FAM193B: variants seen among roughly 807,000 people sequenced by gnomAD.
The protein encoded by FAM193B is protein FAM193B.
FAM193B carries 27 observed loss-of-function variants against 70.7 expected under a neutral mutation model. The ratio of observed to expected loss-of-function variants is 0.38; its 90% confidence interval spans 0.28 to 0.53. The LOEUF is 0.53. Ranked by LOEUF, FAM193B falls within the 20% of genes least tolerant of loss-of-function variation. The pLI, the probability that FAM193B is intolerant of heterozygous loss-of-function variation, is 0.81. For synonymous variants in FAM193B, 448 were observed against 436.0 expected (o/e 1.03, Z -0.34); for missense variants, 1,022 against 1,072.5 (o/e 0.95, Z 0.66).
chr5:177,528,823 C>T (rs956845433), intron 5 of FAM193B, among the ~76,000 whole-genome samples: 1 of 152,174 alleles, frequency 6.6e-6, no homozygotes, highest in Non-Finnish European at 1.5e-5. Context: ...CACGGGAACT[C>T]GGCAATCGGG....
At chr5:177,553,774 A>T (rs1283785113) in intron 1 of FAM193B, 3 of 1,287,512 alleles carry the variant, frequency 2.3e-6, no homozygotes, top group Non-Finnish European at 3.0e-6. Flanking sequence ...CAGGAGACAC[A>T]GCTGCTGAGG....
At chr5:177,533,589 AGCCACTGC>A (rs1282053621) in intron 4 of FAM193B, among the ~76,000 whole-genome samples, 1 of 152,174 alleles carries the variant, frequency 6.6e-6, no homozygotes, top group Non-Finnish European at 1.5e-5. Context: ...TACAGGCGTG[AGCCACTGC>A]GCCCGGCCTT....
rs971978846 is a variant in FAM193B, at chr5:177,554,365, G to T, written c.94C>A (p.Pro32Thr). 8.2e-7 allele frequency: 1 copy of T among 1,218,258 alleles called. No individual in the cohort carries two copies. Among genetic ancestry groups the T allele is most frequent in the Admixed American group, 4.4e-5 (1 of 22,904 alleles). The allele number at this position is 1,218,258 out of a possible 1,614,324, so 75.5% of individuals were successfully genotyped here. The change falls in exon 1 of 9, where the codon CCG becomes ACG. Residue 32 changes from proline to threonine, a missense_variant. Coordinates refer to ENST00000514747, the MANE Select transcript of FAM193B (RefSeq NM_001190946.3). ...GPQKPQAPEP[P>T]PPPSLEAGAG... ...CCCGCCTCCAGGCTTGGCGGCGGCG[G>T]GGGCTCGGGCGCCTGGGGCTTCTGC... is the stretch of plus-strand genomic sequence containing the variant.
At chr5:177,523,009 C>A (rs1377663904) in intron 7 of FAM193B, 1 of 172,548 alleles carries the variant, frequency 5.8e-6, no homozygotes, top group Non-Finnish European at 1.3e-5. Context: ...CAGGCATGAG[C>A]CACCACCTGT....
intron 8 of FAM193B, 89 bp downstream of exon 8, chr5:177,521,885 C>G: frequency 9.9e-7 from 1 of 1,006,918 alleles, no homozygotes; most frequent in Admixed American, 1.9e-5. Context: ...CTCCCTGTGC[C>G]CCAGAGCACA....
At chr5:177,536,849 C>G in intron 3 of FAM193B, 104 bp from the exon 4 acceptor site, 1 of 1,415,926 alleles carries the variant, frequency 7.1e-7, no homozygotes, top group Non-Finnish European at 9.4e-7. Flanking sequence ...GACAAGAGGG[C>G]ACAGCCTCTC....
chr5:177,528,284 G>A lies in FAM193B; in HGVS notation c.1276-3079C>T, dbSNP rs538020220. ...AAAAAGTCACCGGTGACTCTGGAGA[G>A]GGTGTGGGTAGAAAACCGCCTGCAA... On this transcript the variant is annotated intron_variant, in intron 5 of 8. Transcript: ENST00000514747. 5.3e-5 allele frequency among the ~76,000 whole-genome samples: 8 copies of A among 152,308 alleles called. No homozygotes were observed. In the South Asian group the frequency reaches 1.7e-3, roughly 32 times the overall value.
chr5:177,532,768 C>A lies in FAM193B; in HGVS notation c.1077-127G>T. On this transcript the variant is annotated intron_variant, in intron 4 of 8. Coordinates refer to ENST00000514747, the MANE Select transcript of FAM193B (RefSeq NM_001190946.3). The surrounding 1 kb of genome is among the most constrained non-coding windows in gnomAD (Gnocchi z 4.9). The stretch of plus-strand genomic sequence containing the variant: ...CACTCCACAGAGGTCCCAGGTGGTC[C>A]AACTACATTGCACCTCTCACCTGAA... 2.4e-6 allele frequency: 2 copies of A among 826,082 alleles called. No individual in the cohort carries two copies. Among genetic ancestry groups the A allele is most frequent in the South Asian group, 2.1e-5 (1 of 47,952 alleles). 51.2% of individuals were successfully genotyped at this position (826,082 alleles called of 1,614,324 possible).
intron 1 of FAM193B, among the ~76,000 whole-genome samples, chr5:177,542,477 G>A (rs1764965700): frequency 6.6e-6 from 1 of 152,198 alleles, no homozygotes; most frequent in African/African-American, 2.4e-5. Flanking sequence ...AACAATAAAT[G>A]GTCACTGCAT....
chr5:177,537,748 C>A (rs762152464), intron 3 of FAM193B, 125 bp downstream of exon 3: 6 of 1,375,778 alleles, frequency 4.4e-6, no homozygotes, highest in Non-Finnish European at 5.8e-6. Flanking sequence ...CCTGCTTCCA[C>A]CAGAACAGTT....
chr5:177,534,725 A>T (rs1256440654), intron 4 of FAM193B, among the ~76,000 whole-genome samples: 2 of 152,084 alleles, frequency 1.3e-5, no homozygotes, highest in Non-Finnish European at 2.9e-5. Context: ...ATCCTGTCCC[A>T]CTTCAGCCCC....
Position 177,538,188 on chromosome 5 carries a change from G to C in FAM193B, c.454-81C>G. 7.1e-6 allele frequency: 10 copies of C among 1,403,632 alleles called. No homozygotes were observed. Among genetic ancestry groups the C allele is most frequent in the Non-Finnish European group, 6.7e-6 (7 of 1,051,160 alleles). 86.9% of individuals were successfully genotyped at this position (1,403,632 alleles called of 1,614,324 possible). ...CCTCTGCTGCCTCAGCTTTTCCTGA[G>C]GGAGCTCCTTCTCCTCCAGACCATG... On this transcript the variant is annotated intron_variant, in intron 2 of 8. Transcript: ENST00000514747. The surrounding 1 kb of genome is among the most constrained non-coding windows in gnomAD (Gnocchi z 4.1).
At chr5:177,539,429 C>G (rs1764583469) in intron 1 of FAM193B, 2 of 347,604 alleles carry the variant, frequency 5.8e-6, no homozygotes, top group Non-Finnish European at 5.3e-6. Context: ...AACTCATGCT[C>G]AAATATCCTA....
chr5:177,524,527 C>T lies in FAM193B; in HGVS notation c.1954G>A (p.Ala652Thr). 1 of 1,612,072 alleles carries T rather than the reference C, an allele frequency of 6.2e-7. No individual in the cohort carries two copies. Among genetic ancestry groups the T allele is most frequent in the Non-Finnish European group, 8.5e-7 (1 of 1,179,366 alleles). Reference protein sequence around the residue: ...SQAKKSEASPAPRPPASLEVP... With the variant: ...SQAKKSEASPTPRPPASLEVP... ...TCTAGGCTGGCTGGGGGCCGGGGGG[C>T]TGGGCTTGCCTCGCTCTTCTTGGCC... The change falls in exon 6 of 9, where the codon GCC (alanine) becomes ACC (threonine). Residue 652 changes from alanine to threonine, a missense_variant. Physicochemically the swap from Ala to Thr is moderately conservative, Grantham distance 58 (BLOSUM62 0). Coordinates refer to ENST00000514747, the MANE Select transcript of FAM193B (RefSeq NM_001190946.3).
chr5:177,536,603 C>T lies in FAM193B; in HGVS notation c.831G>A (p.Leu277=). 1 of 1,543,894 alleles carries T rather than the reference C, an allele frequency of 6.5e-7. No homozygotes were observed. Among genetic ancestry groups the T allele is most frequent in the Non-Finnish European group, 8.7e-7 (1 of 1,153,810 alleles). The part of the protein sequence containing the change: ...SSFGSPPHPH[L]LPTTPAAPFP... ...AAGGTGCTGCCGGGGTGGTGGGCAG[C>T]AGGTGTGGGTGGGGTGGGGAGCCAA... Residue 277 remains leucine, a synonymous_variant, in exon 4 of 9, where the codon CTG becomes CTA. Transcript: ENST00000514747.
chr5:177,524,224 G>A lies in FAM193B; in HGVS notation c.2257C>T (p.Arg753Trp). ...SLPQGKGRSR[R>W]SRNKQEKPAS... ...GGCTTCTCCTGCTTGTTGCGGCTCC[G>A]GCGGCTGCGGCCCTTGCCCTGGGGC... The change falls in exon 6 of 9, where the codon CGG becomes TGG. Residue 753 changes from arginine to tryptophan, a missense_variant. Arg to Trp is a moderately radical substitution (Grantham distance 101, BLOSUM62 -3). Transcript: ENST00000514747. The A allele has an allele frequency of 5.2e-6, 8 of 1,546,806 alleles. No individual in the cohort carries two copies. Among genetic ancestry groups the A allele is most frequent in the South Asian group, 1.2e-5 (1 of 81,076 alleles).
intron 5 of FAM193B, chr5:177,531,395 C>T (rs202088769): frequency 1.8e-5 from 24 of 1,327,252 alleles, no homozygotes; most frequent in East Asian, 4.9e-5. Flanking sequence ...TGGTCCACGG[C>T]GGGCTCCCCA....
chr5:177,542,721 G>A (rs997766908), intron 1 of FAM193B, among the ~76,000 whole-genome samples: 4 of 152,142 alleles, frequency 2.6e-5, no homozygotes, highest in African/African-American at 9.7e-5. Context: ...CCTCCTCTAG[G>A]CTTTCTCCTC....
chr5:177,541,160 A>G (rs1273816809), intron 1 of FAM193B, among the ~76,000 whole-genome samples: 3 of 152,236 alleles, frequency 2.0e-5, no homozygotes, highest in African/African-American at 7.2e-5. Context: ...TGAGCAAGAC[A>G]GTTGTTTAAT....
Sources: gnomAD v4.1 joint callset for allele counts (sites outside exome capture counted in the v4.1 genomes callset) on GRCh38, gnomAD v4.1.1 for gene constraint, Gnocchi (gnomAD v3.1) non-coding constraint, MANE v1.5 for transcripts, NCBI Gene and HGNC (gene_info 2026-07-23, HGNC 2026-07-21) for gene names.